Variants in RFTN2 observed in about 807,000 individuals in gnomAD.
RFTN2 encodes the protein raftlin-2.
Under a neutral mutation model 52.7 loss-of-function variants are expected in RFTN2, and 34 were observed. The ratio of observed to expected loss-of-function variants is 0.64; its 90% CI spans 0.49 to 0.86. The LOEUF (loss-of-function observed/expected upper bound fraction) is 0.86. Ranked by LOEUF, RFTN2 falls within the 40% of genes least tolerant of loss-of-function variation. The pLI is 0.00. For missense variants in RFTN2, 536 were observed against 600.1 expected (o/e 0.89, Z 1.12); for synonymous variants, 203 against 217.7 (o/e 0.93, Z 0.59).
chr2:197,642,013 A>G (rs2106247385), intron 3 of RFTN2, among the ~76,000 whole-genome samples: 1 of 152,304 alleles, frequency 6.6e-6, no homozygotes, highest in Non-Finnish European at 1.5e-5. Context: ...TTCAAATGAA[A>G]TTTGCTGGAG....
At chr2:197,667,702 C>T (rs2089081482) in intron 1 of RFTN2, among the ~76,000 whole-genome samples, 1 of 152,068 alleles carries the variant, frequency 6.6e-6, no homozygotes, top group Non-Finnish European at 1.5e-5. Context: ...TGGCTGTAAA[C>T]AACATCAGTT....
intron 8 of RFTN2, chr2:197,587,871 C>A: frequency 2.6e-6 from 1 of 377,508 alleles, no homozygotes; most frequent in South Asian, 2.2e-5. Context: ...CCAACTAGTT[C>A]TTGGAGATTA....
At chr2:197,646,792 G>T in intron 1 of RFTN2, 126 bp from the exon 2 acceptor site, 2 of 621,946 alleles carry the variant, frequency 3.2e-6, no homozygotes, top group Non-Finnish European at 5.1e-6. Context: ...GCACATGCGT[G>T]TAATCCCAGC....
chr2:197,610,032 G>C (rs1202351461), intron 7 of RFTN2, among the ~76,000 whole-genome samples: 1 of 152,202 alleles, frequency 6.6e-6, no homozygotes, highest in African/African-American at 2.4e-5. Context: ...TTGTAGTATA[G>C]TTTGAAGTCA....
rs1287540529 is a variant in RFTN2 at position 197,568,775 on chromosome 2, A to G, written c.*3233T>C. 6.6e-6 allele frequency: 1 copy of G among 152,196 alleles called. No individual in the cohort carries two copies. Among genetic ancestry groups the G allele is most frequent in the Non-Finnish European group, 1.5e-5 (1 of 68,038 alleles). 9.4% of individuals were successfully genotyped at this position (152,196 alleles called of 1,614,324 possible). A position where few individuals can be genotyped will look rare whatever the true frequency, so the allele number is the denominator to read the frequency against. ...CCACAGTCCTTCCAGCCAAGAAGGA[A>G]TGGTGGTGAGGAATCAATAACAGGC... On this transcript the variant is annotated 3_prime_UTR_variant, in exon 9 of 9. Transcript: ENST00000295049.
chr2:197,602,448 A>C (rs1054827570), intron 7 of RFTN2, among the ~76,000 whole-genome samples: 1 of 152,218 alleles, frequency 6.6e-6, no homozygotes, highest in Non-Finnish European at 1.5e-5. Context: ...ATATGTGCCC[A>C]TAATTTCAAG....
At chr2:197,646,412 C>A in intron 2 of RFTN2, 71 bp downstream of exon 2, 1 of 1,295,592 alleles carries the variant, frequency 7.7e-7, no homozygotes, top group South Asian at 1.5e-5. Flanking sequence ...CCACTTGATT[C>A]AAATTTTTTT....
At chr2:197,624,394 T>C (rs1452422296) in intron 5 of RFTN2, among the ~76,000 whole-genome samples, 3 of 147,008 alleles carry the variant, frequency 2.0e-5, no homozygotes, top group Non-Finnish European at 3.0e-5. Context: ...GGTCGGGAGA[T>C]GGAGACCATC....
At chr2:197,668,669 T>C (rs1381365826) in intron 1 of RFTN2, among the ~76,000 whole-genome samples, 1 of 152,258 alleles carries the variant, frequency 6.6e-6, no homozygotes, top group East Asian at 1.9e-4. Context: ...TGCATTTCTC[T>C]TGTGGCTCAG....
chr2:197,644,745 A>G (rs2088724437), intron 2 of RFTN2, among the ~76,000 whole-genome samples: 1 of 152,204 alleles, frequency 6.6e-6, no homozygotes, highest in Non-Finnish European at 1.5e-5. Flanking sequence ...CACATGGTTG[A>G]TAAGATTTGT....
chr2:197,580,745 A>G (rs1182479068), intron 8 of RFTN2, among the ~76,000 whole-genome samples: 2 of 152,308 alleles, frequency 1.3e-5, no homozygotes, highest in Middle Eastern at 3.4e-3. Context: ...CCTTGCCTCC[A>G]TAACTGTTGT....
chr2:197,638,938 A>T (rs890806929), intron 3 of RFTN2, among the ~76,000 whole-genome samples: 3 of 151,614 alleles, frequency 2.0e-5, no homozygotes, highest in African/African-American at 7.3e-5. Context: ...AGGCCTGGTC[A>T]TGACAAAATC....
At position 197,670,483 on chromosome 2, in the gene RFTN2, C is replaced by A. The variant is rs576581641; in HGVS notation, c.139+4837G>T. Among the ~76,000 whole-genome samples, 67 of 152,200 alleles carry A rather than the reference C, an allele frequency of 4.4e-4. 2 individuals are homozygous for A. The South Asian group carries it at 9.9e-3, about 23-fold the overall frequency. ...ACCCACACTGGTGTTTAAGACCAGT[C>A]TGGGCAACATAGCAAGACCTCCATC... On this transcript the variant is annotated intron_variant, in intron 1 of 8. Coordinates refer to ENST00000295049, the MANE Select transcript of RFTN2 (RefSeq NM_144629.3).
intron 5 of RFTN2, among the ~76,000 whole-genome samples, chr2:197,627,855 T>C (rs1328829862): frequency 1.3e-5 from 2 of 151,942 alleles, no homozygotes; most frequent in Admixed American, 6.6e-5. Context: ...AGTAGAAAAC[T>C]TTTTGAACAT....
rs191495805 is a variant in RFTN2 at position 197,616,135 on chromosome 2, T to C, written c.1051-156A>G. The stretch of plus-strand genomic sequence containing the variant: ...GTTCTGCTCTGCTTCCTTCTGATAA[T>C]TGAACCAAGTTAGAAACACTAGTAA... On this transcript the variant is annotated intron_variant, in intron 6 of 8. Transcript: ENST00000295049. 9.2e-5 allele frequency among the ~76,000 whole-genome samples: 14 copies of C among 152,306 alleles called. 1 individual carries two copies. In the East Asian group the frequency reaches 2.5e-3, roughly 27 times the overall value.
chr2:197,603,250 C>T (rs1034444673), intron 7 of RFTN2, among the ~76,000 whole-genome samples: 1 of 152,264 alleles, frequency 6.6e-6, no homozygotes, highest in South Asian at 2.1e-4. Context: ...TTCACTCTTT[C>T]CTTTCTACAC....
chr2:197,574,886 C>CAAAG (rs1460689008), intron 8 of RFTN2, among the ~76,000 whole-genome samples: 2 of 151,840 alleles, frequency 1.3e-5, no homozygotes, highest in Admixed American at 6.6e-5. Context: ...AACAAACAAA[C>CAAAG]AAACAAACAA....
intron 8 of RFTN2, among the ~76,000 whole-genome samples, chr2:197,579,774 T>C (rs2087475356): frequency 2.0e-5 from 3 of 152,018 alleles, no homozygotes; most frequent in Non-Finnish European, 4.4e-5. Context: ...AGACTGCTCC[T>C]CCTCAGGTTG....
At chr2:197,576,327 C>T (rs2087419148) in intron 8 of RFTN2, among the ~76,000 whole-genome samples, 1 of 151,952 alleles carries the variant, frequency 6.6e-6, no homozygotes, top group African/African-American at 2.4e-5. Context: ...GGTGTCTGGC[C>T]TTTAAGAGCT....
Sources: allele counts gnomAD v4.1 joint callset (sites outside exome capture counted in the v4.1 genomes callset), GRCh38; gene constraint gnomAD v4.1.1; transcripts MANE v1.5; gene names NCBI Gene and HGNC (gene_info 2026-07-23, HGNC 2026-07-21).